Variants in ZFAND3 observed in about 807,000 individuals in gnomAD.
ZFAND3 encodes the protein AN1-type zinc finger protein 3.
In ZFAND3, 10 loss-of-function variants were observed where a neutral mutation model predicts 29.6. The observed-to-expected ratio is 0.34, with a 90% CI of 0.21 to 0.57. The LOEUF (loss-of-function observed/expected upper bound fraction) is 0.57. Ranked by LOEUF, ZFAND3 falls within the 20% of genes least tolerant of loss-of-function variation. ZFAND3 has a pLI of 0.86. For synonymous variants in ZFAND3, 128 were observed against 112.6 expected (o/e 1.14, Z -0.87); for missense variants, 230 against 304.5 (o/e 0.76, Z 1.82).
chr6:38,049,055 A>G (rs1181419631), intron 2 of ZFAND3, among the ~76,000 whole-genome samples: 2 of 152,130 alleles, frequency 1.3e-5, no homozygotes, highest in African/African-American at 4.8e-5. Context: ...TGAGACTTAC[A>G]CTTGCCAGTT....
intron 1 of ZFAND3, 58 bp from the exon 2 acceptor site, chr6:37,929,901 T>C: frequency 1.3e-6 from 2 of 1,508,988 alleles, no homozygotes; most frequent in Non-Finnish European, 1.8e-6. Flanking sequence ...TATGTTTTGA[T>C]TAGAGTGATA....
chr6:38,092,221 G>A (rs1450248726), intron 4 of ZFAND3, among the ~76,000 whole-genome samples: 1 of 152,160 alleles, frequency 6.6e-6, no homozygotes, highest in African/African-American at 2.4e-5. Context: ...TGCTTATGTG[G>A]ATTATAGCAC....
chr6:38,124,600 G>A (rs375816899), intron 5 of ZFAND3, among the ~76,000 whole-genome samples: 64 of 152,300 alleles, frequency 4.2e-4, no homozygotes, highest in South Asian at 1.2e-3. Flanking sequence ...TCACTGCCCC[G>A]GGCCGCTCCG....
chr6:37,883,160 T>TTGC (rs1267778611), intron 1 of ZFAND3, among the ~76,000 whole-genome samples: 1 of 152,142 alleles, frequency 6.6e-6, no homozygotes, highest in Admixed American at 6.5e-5. Flanking sequence ...GAGTTTGAGG[T>TTGC]TGCAGTGAAC....
intron 2 of ZFAND3, among the ~76,000 whole-genome samples, chr6:38,026,726 C>T (rs572846286): frequency 2.6e-5 from 4 of 152,034 alleles, no homozygotes; most frequent in Middle Eastern, 3.4e-3. Flanking sequence ...CTACCACGCC[C>T]GGCCAATCCA....
intron 2 of ZFAND3, among the ~76,000 whole-genome samples, chr6:38,001,778 G>A (rs372921481): frequency 8.5e-5 from 13 of 152,156 alleles, no homozygotes; most frequent in Admixed American, 3.9e-4. Context: ...CATAGCTTCC[G>A]GCAAGCTCTG....
chr6:37,920,052 C>CA (rs1761346996), intron 1 of ZFAND3, among the ~76,000 whole-genome samples: 1 of 93,410 alleles, frequency 1.1e-5, no homozygotes, highest in South Asian at 4.1e-4. Context: ...TTTTTTGAAG[C>CA]TTTTTTTTTT....
chr6:37,826,256 C>T (rs1763757976), intron 1 of ZFAND3, among the ~76,000 whole-genome samples: 1 of 152,034 alleles, frequency 6.6e-6, no homozygotes, highest in African/African-American at 2.4e-5. Context: ...GACTTTGTGT[C>T]AGAGTGGTTT....
At chr6:38,004,377 C>T (rs969208732) in intron 2 of ZFAND3, among the ~76,000 whole-genome samples, 30 of 152,180 alleles carry the variant, frequency 2.0e-4, no homozygotes, top group Admixed American at 8.5e-4. Flanking sequence ...TCCTCCTCTG[C>T]AGGATTTTTA....
intron 2 of ZFAND3, among the ~76,000 whole-genome samples, chr6:37,992,759 A>G (rs994438878): frequency 6.6e-6 from 1 of 152,180 alleles, no homozygotes; most frequent in Non-Finnish European, 1.5e-5. Context: ...ATTAGGTTTA[A>G]GTGTTTTATT....
chr6:37,826,272 A>G (rs554250317), intron 1 of ZFAND3, among the ~76,000 whole-genome samples: 31 of 152,274 alleles, frequency 2.0e-4, no homozygotes, highest in Admixed American at 8.5e-4. Flanking sequence ...GGTTTTCAAA[A>G]GAGGGCCTTC....
intron 1 of ZFAND3, among the ~76,000 whole-genome samples, chr6:37,844,603 A>G (rs982447698): frequency 6.6e-6 from 1 of 152,022 alleles, no homozygotes. Context: ...TTCTAAGTGA[A>G]ACAGTGTTTA....
At chr6:38,143,848 A>AG (rs1360461806) in intron 5 of ZFAND3, among the ~76,000 whole-genome samples, 2 of 152,188 alleles carry the variant, frequency 1.3e-5, no homozygotes. Context: ...ATGCAAAGCC[A>AG]GGGATGGAGG....
At chr6:37,938,072 CCTT>C (rs1348811434) in intron 2 of ZFAND3, among the ~76,000 whole-genome samples, 6 of 152,182 alleles carry the variant, frequency 3.9e-5, no homozygotes, top group Admixed American at 2.6e-4. Flanking sequence ...CAACTACTCT[CCTT>C]CTTATCCTTG....
At chr6:38,062,013 C>T (rs12191349) in intron 3 of ZFAND3, among the ~76,000 whole-genome samples, 145 of 152,328 alleles carry the variant, frequency 9.5e-4, no homozygotes, top group South Asian at 1.9e-3. Context: ...GTGGCTCTCA[C>T]CTATGTCTGC....
At chr6:38,076,001 C>T (rs1581896245) in intron 3 of ZFAND3, among the ~76,000 whole-genome samples, 1 of 152,132 alleles carries the variant, frequency 6.6e-6, no homozygotes, top group African/African-American at 2.4e-5. Context: ...ATCCGCCTCC[C>T]TCAGCCTTGC....
intron 1 of ZFAND3, among the ~76,000 whole-genome samples, chr6:37,879,858 TG>T (rs1213073351): frequency 3.3e-5 from 5 of 152,332 alleles, no homozygotes; most frequent in African/African-American, 1.2e-4. Flanking sequence ...ATGAAGATGT[TG>T]GCTTGGAACT....
chr6:37,827,032 C>G (rs1763773087), intron 1 of ZFAND3, among the ~76,000 whole-genome samples: 1 of 152,180 alleles, frequency 6.6e-6, no homozygotes, highest in Non-Finnish European at 1.5e-5. Context: ...CCAGAATTTT[C>G]AAGCCTGTTT....
At chr6:38,107,531 C>A (rs1765232564) in intron 4 of ZFAND3, among the ~76,000 whole-genome samples, 1 of 152,168 alleles carries the variant, frequency 6.6e-6, no homozygotes, top group Non-Finnish European at 1.5e-5. Context: ...AGAAAGTATA[C>A]AATTAAATAT....
Sources: gnomAD v4.1 joint callset for allele counts (sites outside exome capture counted in the v4.1 genomes callset) on GRCh38, gnomAD v4.1.1 for gene constraint, MANE v1.5 for transcripts, NCBI Gene and HGNC (gene_info 2026-07-23, HGNC 2026-07-21) for gene names.